The following RORB variants were observed in gnomAD, a reference collection of about 807,000 sequenced individuals.
RORB encodes the protein nuclear receptor ROR-beta.
Under a neutral mutation model 59.1 loss-of-function variants are expected in RORB, and 6 were observed. The observed-to-expected ratio is 0.10, with a 90% CI of 0.06 to 0.20. The LOEUF (loss-of-function observed/expected upper bound fraction) is 0.20, where lower values mean the gene tolerates loss of function less well. Ranked by LOEUF, RORB falls within the 10% of genes least tolerant of loss-of-function variation. The pLI is 1.00. For missense variants in RORB, 320 were observed against 560.5 expected (o/e 0.57, Z 4.33); for synonymous variants, 215 against 204.5 (o/e 1.05, Z -0.44).
intron 1 of RORB, among the ~76,000 whole-genome samples, chr9:74,591,474 A>T (rs1251901517): frequency 1.3e-5 from 2 of 152,234 alleles, no homozygotes; most frequent in Non-Finnish European, 2.9e-5. Context: ...AAAGAAAAGA[A>T]AACTCCAGAT....
At chr9:74,665,447 T>C (rs199893966) in intron 6 of RORB, 41 bp from the exon 7 acceptor site, 10 of 1,213,672 alleles carry the variant, frequency 8.2e-6, no homozygotes, top group Non-Finnish European at 7.1e-6. Flanking sequence ...GATATATATG[T>C]GTATTTTTAT....
Position 74,613,887 on chromosome 9 carries a change from G to A in RORB, c.8-16395G>A, listed in dbSNP as rs187719586. Among the ~76,000 whole-genome samples, 950 of 152,188 alleles carry A rather than the reference G, an allele frequency of 6.2e-3. 14 individuals are homozygous for A. The highest frequency in any genetic ancestry group is 0.022 in the African/African-American group (910 of 41,526). ...GATAATGGCATCCAGCTGCATTTAC[G>A]TTGCTTTAAAGGTCATGATTTTATT... On this transcript the variant is annotated intron_variant, in intron 1 of 9. Coordinates refer to ENST00000376896, the MANE Select transcript of RORB (RefSeq NM_006914.4).
chr9:74,670,086 C>A (rs1442684578), intron 8 of RORB, among the ~76,000 whole-genome samples: 1 of 150,794 alleles, frequency 6.6e-6, no homozygotes, highest in Admixed American at 6.6e-5. Flanking sequence ...TTTTTTTAAA[C>A]CCTAGAAAGT....
At chr9:74,583,970 G>A (rs1396541044) in intron 1 of RORB, among the ~76,000 whole-genome samples, 1 of 152,156 alleles carries the variant, frequency 6.6e-6, no homozygotes. Context: ...TTGTCTTTGT[G>A]TAGAACGGGT....
intron 4 of RORB, among the ~76,000 whole-genome samples, chr9:74,660,077 A>G: frequency 6.6e-6 from 1 of 152,156 alleles, no homozygotes. Flanking sequence ...CAAAAATAGT[A>G]TTATCAGAAA....
At chr9:74,635,746 G>A (rs764165532) in intron 3 of RORB, among the ~76,000 whole-genome samples, 4 of 152,102 alleles carry the variant, frequency 2.6e-5, no homozygotes, top group Non-Finnish European at 5.9e-5. Context: ...TGTGGATTCT[G>A]GGCCTCTGGT....
chr9:74,655,433 C>G lies in RORB; in HGVS notation c.638-5184C>G, dbSNP rs562397375. On this transcript the variant is annotated intron_variant, in intron 4 of 9. Transcript: ENST00000376896. ...AGCCCAAGCTAGTCAAAGAAGCCAA[C>G]AAAAACTGAGCTGAAAACAGCTGCA... is the stretch of plus-strand genomic sequence containing the variant. Among the ~76,000 whole-genome samples, 3 of 152,302 alleles carry G rather than the reference C, an allele frequency of 2.0e-5. No homozygotes were observed. In the South Asian group the frequency reaches 6.2e-4, roughly 32 times the overall value.
intron 1 of RORB, among the ~76,000 whole-genome samples, chr9:74,580,399 T>C (rs1161708303): frequency 1.3e-5 from 2 of 152,142 alleles, no homozygotes; most frequent in East Asian, 3.9e-4. Context: ...CTCAAGAAAG[T>C]GAAATTATTC....
chr9:74,530,836 T>A (rs1160171536), intron 1 of RORB, among the ~76,000 whole-genome samples: 1 of 151,972 alleles, frequency 6.6e-6, no homozygotes. Context: ...AACTCGTCAT[T>A]TACATTAGGT....
Position 74,671,996 on chromosome 9 carries a change from C to A in RORB, c.1224+95C>A, listed in dbSNP as rs949980664. 2.3e-5 allele frequency: 15 copies of A among 650,246 alleles called. No individual in the cohort carries two copies. In the East Asian group the frequency reaches 4.2e-4, roughly 18 times the overall value. The allele number at this position is 650,246 out of a possible 1,614,324, so 40.3% of individuals were successfully genotyped here. On this transcript the variant is annotated intron_variant, in intron 9 of 9. Transcript: ENST00000376896. ...ATCAAGGGAAATTTCTCAGCAGCAA[C>A]AATTTCTGAAAGTTACCAAAGACTG...
At chr9:74,556,287 C>T (rs952530902) in intron 1 of RORB, among the ~76,000 whole-genome samples, 1 of 152,164 alleles carries the variant, frequency 6.6e-6, no homozygotes, top group African/African-American at 2.4e-5. Context: ...TGTAGAAACA[C>T]AAGGGCCTCT....
intron 1 of RORB, among the ~76,000 whole-genome samples, chr9:74,585,374 TC>T (rs1431852287): frequency 2.0e-5 from 3 of 152,186 alleles, no homozygotes; most frequent in Non-Finnish European, 4.4e-5. Context: ...CAAATGGAGT[TC>T]TCCAAAGGTT....
rs889024716 is a variant in RORB, at chr9:74,690,212, A to T, written c.*4594A>T. On this transcript the variant is annotated 3_prime_UTR_variant, in exon 10 of 10. Coordinates refer to ENST00000376896, the MANE Select transcript of RORB (RefSeq NM_006914.4). ...AAGCAGCAACTAGAGTAAAGGCCTGATGTGGGAAACTATGGGGGGTCTTTC... is the reference window on the plus strand; with the variant it reads ...AAGCAGCAACTAGAGTAAAGGCCTGTTGTGGGAAACTATGGGGGGTCTTTC... 1 of 152,204 alleles carries T rather than the reference A, an allele frequency of 6.6e-6. No homozygotes were observed. The highest frequency in any genetic ancestry group is 1.5e-5 in the Non-Finnish European group (1 of 68,070). 9.4% of individuals were successfully genotyped at this position (152,204 alleles called of 1,614,324 possible). A position where few individuals can be genotyped will look rare whatever the true frequency, so the allele number is the denominator to read the frequency against.
At chr9:74,565,188 T>C (rs777267874) in intron 1 of RORB, among the ~76,000 whole-genome samples, 1 of 152,194 alleles carries the variant, frequency 6.6e-6, no homozygotes, top group Non-Finnish European at 1.5e-5. Context: ...TCAGAATAAC[T>C]CTGAGCTAAA....
chr9:74,602,855 G>T (rs139079499), intron 1 of RORB, among the ~76,000 whole-genome samples: 1 of 152,114 alleles, frequency 6.6e-6, no homozygotes, highest in African/African-American at 2.4e-5. Flanking sequence ...ATTATTTATG[G>T]TAACTATTAT....
intron 6 of RORB, among the ~76,000 whole-genome samples, chr9:74,665,259 T>A (rs1587414099): frequency 6.6e-6 from 1 of 152,164 alleles, no homozygotes; most frequent in African/African-American, 2.4e-5. Context: ...TTTTTGCCAA[T>A]ACTTTCAATG....
chr9:74,513,854 C>A lies in RORB; in HGVS notation c.7+15871C>A, dbSNP rs187182107. 1.8e-3 allele frequency among the ~76,000 whole-genome samples: 279 copies of A among 152,062 alleles called. 3 individuals carry two copies. Among genetic ancestry groups the A allele is most frequent in the South Asian group, 7.5e-3 (36 of 4,816 alleles). On this transcript the variant is annotated intron_variant, in intron 1 of 9. Coordinates refer to ENST00000376896, the MANE Select transcript of RORB (RefSeq NM_006914.4). ...TTAATATATAAAATCTAAAATGCTT[C>A]AAAAATTACATCCTTTGCAGTGTTA...
chr9:74,591,911 T>C (rs972025979), intron 1 of RORB, among the ~76,000 whole-genome samples: 1 of 152,122 alleles, frequency 6.6e-6, no homozygotes, highest in Non-Finnish European at 1.5e-5. Flanking sequence ...TGCGTGTGCA[T>C]GTGCCTGTGT....
chr9:74,560,597 G>T (rs1822382638), intron 1 of RORB, among the ~76,000 whole-genome samples: 1 of 151,816 alleles, frequency 6.6e-6, no homozygotes, highest in East Asian at 1.9e-4. Flanking sequence ...GACCAAAAGT[G>T]GTTGGGTTAA....
Sources: allele counts gnomAD v4.1 joint callset (sites outside exome capture counted in the v4.1 genomes callset), GRCh38; gene constraint gnomAD v4.1.1; transcripts MANE v1.5; gene names NCBI Gene and HGNC (gene_info 2026-07-23, HGNC 2026-07-21).